Variants in MYO19 observed in about 807,000 individuals in gnomAD.
The protein encoded by MYO19 is myosin XIX.
Under a neutral mutation model 129.2 loss-of-function variants are expected in MYO19, and 132 were observed. That is an observed-to-expected ratio of 1.02 (90% CI 0.89 to 1.18). The LOEUF (loss-of-function observed/expected upper bound fraction) is 1.18. Ranked by LOEUF, MYO19 falls within the 50% of genes most tolerant of loss-of-function variation. The pLI is 0.00. For missense variants in MYO19, 1,210 were observed against 1,216.7 expected, an observed-to-expected ratio of 0.99 and a Z score of 0.08; for synonymous variants, 531 against 477.2, an observed-to-expected ratio of 1.11 and a Z score of -1.47.
intron 21 of MYO19, 88 bp from the exon 22 acceptor site, chr17:36,501,323 T>C: frequency 7.5e-7 from 1 of 1,338,464 alleles, no homozygotes; most frequent in Non-Finnish European, 1.0e-6. Flanking sequence ...TCCCTAGCAC[T>C]CTACAGGTCT....
intron 22 of MYO19, 37 bp from the exon 23 acceptor site, chr17:36,500,996 TC>T: frequency 1.9e-6 from 3 of 1,604,246 alleles, no homozygotes; most frequent in Non-Finnish European, 2.6e-6. Flanking sequence ...CAGCCTCTTC[TC>T]CCCCTGCCCC....
At chr17:36,498,956 G>T in intron 24 of MYO19, 119 bp downstream of exon 24, 1 of 752,610 alleles carries the variant, frequency 1.3e-6, no homozygotes, top group Non-Finnish European at 2.2e-6. Context: ...GCTCAGAGAG[G>T]CTAAACAACC....
chr17:36,511,772 T>A (rs1162047940), intron 11 of MYO19, among the ~76,000 whole-genome samples: 13 of 152,170 alleles, frequency 8.5e-5, no homozygotes, highest in Admixed American at 8.5e-4. Flanking sequence ...CCTGTGGGCC[T>A]CCATGCCCAC....
In MYO19 at chr17:36,513,713, C is replaced by T. The variant is rs1263859151; in HGVS notation, c.733G>A (p.Ala245Thr). ...FHIFYQICKGASEDERLQWHL... is the reference protein window; with the variant it reads ...FHIFYQICKGTSEDERLQWHL... ...CACTGGAGCCTCTCGTCCTCACTGG[C>T]TCCTTTGCAAATCTGTGGAGAAGGG... Residue 245 changes from alanine to threonine, a missense_variant, in exon 10 of 26, where the codon GCC (alanine) becomes ACC (threonine). Transcript: ENST00000614623. 2 of 1,613,552 alleles carry T rather than the reference C, an allele frequency of 1.2e-6. No homozygotes were observed. Among genetic ancestry groups the T allele is most frequent in the Admixed American group, 1.7e-5 (1 of 59,992 alleles).
At chr17:36,505,439 A>AG in intron 18 of MYO19, 35 bp from the exon 19 acceptor site, 2 of 1,557,326 alleles carry the variant, frequency 1.3e-6, no homozygotes, top group Non-Finnish European at 1.8e-6. Context: ...AGGCAGGGAG[A>AG]GGGGCTGCCC....
chr17:36,537,823 C>T, upstream of MYO19: 1 of 1,614,060 alleles, frequency 6.2e-7, no homozygotes, highest in Non-Finnish European at 8.5e-7. Context: ...TTTTTCTTTA[C>T]CATAATAGTT....
chr17:36,542,655 C>T (rs1017808572), intron 1 of MYO19, among the ~76,000 whole-genome samples: 8 of 150,942 alleles, frequency 5.3e-5, no homozygotes, highest in Admixed American at 1.3e-4. Context: ...GCCGAGATAG[C>T]GCCACTGCAC....
Position 36,527,571 on chromosome 17 carries a change from G to A in MYO19, c.280C>T (p.His94Tyr), listed in dbSNP as rs781021603. The change falls in exon 5 of 26, where the codon CAT becomes TAT. Residue 94 changes from histidine (H) to tyrosine (Y), a missense_variant. Coordinates refer to ENST00000614623, the MANE Select transcript of MYO19 (RefSeq NM_001163735.2). ...LYSPELMREY[H>Y]AAPQPQKLKP... ...CTTACCTGGGGCTGAGGCGCAGCAT[G>A]GTACTCTCTCATTAGCTCGGGCGAG... 4.3e-6 allele frequency: 7 copies of A among 1,613,786 alleles called. No homozygotes were observed. The highest frequency in any genetic ancestry group is 5.9e-6 in the Non-Finnish European group (7 of 1,179,870).
At chr17:36,525,857 G>A (rs2073431856) in intron 5 of MYO19, among the ~76,000 whole-genome samples, 1 of 152,122 alleles carries the variant, frequency 6.6e-6, no homozygotes, top group African/African-American at 2.4e-5. Context: ...CAATGTACTA[G>A]GCATCAATCA....
upstream of MYO19, chr17:36,539,279 G>A (rs2074182809): frequency 6.0e-6 from 1 of 166,946 alleles, no homozygotes; most frequent in Non-Finnish European, 1.5e-5. Flanking sequence ...AAAATGAAAT[G>A]TTTATGTTGA....
At position 36,498,284 on chromosome 17, in the gene MYO19, G is replaced by A. The variant is rs377403029; in HGVS notation, c.2739C>T (p.Ser913=). The A allele has an allele frequency of 1.2e-5, 20 of 1,612,232 alleles. No individual in the cohort carries two copies. The African/African-American group carries it at 2.3e-4, about 18-fold the overall frequency. ...QTAQDQAGVT[S]IRALPQGSIK... Reference sequence around the variant, plus strand: ...AACGTACCTGAGGCAGCGCTCGGATGGACGTGACACCAGCCTGGTCTTGTG... The same window carrying A: ...AACGTACCTGAGGCAGCGCTCGGATAGACGTGACACCAGCCTGGTCTTGTG... The change falls in exon 25 of 26, where the codon TCC becomes TCT. Residue 913 remains serine (S), a synonymous_variant. Coordinates refer to ENST00000614623, the MANE Select transcript of MYO19 (RefSeq NM_001163735.2).
chr17:36,514,749 G>A (rs1363495374), intron 8 of MYO19, among the ~76,000 whole-genome samples: 1 of 152,226 alleles, frequency 6.6e-6, no homozygotes, highest in African/African-American at 2.4e-5. Context: ...GCTCAGGTGG[G>A]CAGGGCCAAG....
At chr17:36,521,571 A>G (rs903640687) in intron 6 of MYO19, among the ~76,000 whole-genome samples, 2 of 152,320 alleles carry the variant, frequency 1.3e-5, no homozygotes, top group African/African-American at 4.8e-5. Context: ...ACTTTCCTGA[A>G]CAAAAGGACA....
chr17:36,543,127 C>G (rs983430100), exon 1 of MYO19: 1 of 152,144 alleles, frequency 6.6e-6, no homozygotes. Context: ...AATACTCACT[C>G]TTCTACTCTG....
Position 36,510,103 on chromosome 17 carries a change from C to T in MYO19, c.1157+643G>A, listed in dbSNP as rs561400608. ...GTGCCCAAGGTCTCATGTGCACATGCACACACATACACTCATTCTGGCTCA... is the reference window on the plus strand; with the variant it reads ...GTGCCCAAGGTCTCATGTGCACATGTACACACATACACTCATTCTGGCTCA... On this transcript the variant is annotated intron_variant, in intron 13 of 25. Transcript: ENST00000614623. Among the ~76,000 whole-genome samples, 3 of 152,354 alleles carry T rather than the reference C, an allele frequency of 2.0e-5. No homozygotes were observed. In the South Asian group the frequency reaches 6.2e-4, roughly 32 times the overall value.
In MYO19 at chr17:36,507,775, C is replaced by G. The variant is rs1163839488; in HGVS notation, c.1353+28G>C. ...AGGGATTGAGGATCCAAAAGAAGGA[C>G]CTGCCTCCTGCTCACCCCATCCCTC... On this transcript the variant is annotated intron_variant, in intron 15 of 25. Transcript: ENST00000614623. 8 of 1,571,002 alleles carry G rather than the reference C, an allele frequency of 5.1e-6. No individual in the cohort carries two copies. In the East Asian group the frequency reaches 1.1e-4, roughly 22 times the overall value.
chr17:36,526,678 G>A (rs1384424055), intron 5 of MYO19, among the ~76,000 whole-genome samples: 2 of 152,258 alleles, frequency 1.3e-5, no homozygotes, highest in African/African-American at 4.8e-5. Context: ...CTTGAGGTCA[G>A]GAGTTCGAGA....
At chr17:36,503,248 C>T (rs1169865086) in intron 20 of MYO19, 48 bp from the exon 21 acceptor site, 22 of 1,474,686 alleles carry the variant, frequency 1.5e-5, no homozygotes, top group Non-Finnish European at 2.1e-5. Context: ...ATCTGTGAGC[C>T]AGGTTAACGG....
upstream of MYO19, among the ~76,000 whole-genome samples, chr17:36,544,226 T>C (rs947902015): frequency 6.6e-6 from 1 of 152,178 alleles, no homozygotes; most frequent in African/African-American, 2.4e-5. Flanking sequence ...CACACACCAC[T>C]GTCCGGTTTT....
Sources: allele counts gnomAD v4.1 joint callset (sites outside exome capture counted in the v4.1 genomes callset), GRCh38; gene constraint gnomAD v4.1.1; transcripts MANE v1.5; gene names NCBI Gene and HGNC (gene_info 2026-07-23, HGNC 2026-07-21).